Variants in INPP4B observed in about 807,000 individuals in gnomAD.
INPP4B encodes inositol polyphosphate 4-phosphatase type II.
Under a neutral mutation model 122.5 loss-of-function variants are expected in INPP4B, and 55 were observed. That is an observed-to-expected ratio of 0.45 (90% confidence interval 0.36 to 0.56). The LOEUF (loss-of-function observed/expected upper bound fraction) is 0.56, where lower values mean the gene tolerates loss of function less well. Ranked by LOEUF, INPP4B falls within the 20% of genes least tolerant of loss-of-function variation. The probability of loss-of-function intolerance (pLI) is 0.00; values close to 1 mark genes in which losing one functional copy is unlikely to be tolerated. For missense variants in INPP4B, 1,000 were observed against 1,097.7 expected, an observed-to-expected ratio of 0.91 and a Z score of 1.26; for synonymous variants, 403 against 388.7, an observed-to-expected ratio of 1.04 and a Z score of -0.43.
intron 3 of INPP4B, among the ~76,000 whole-genome samples, chr4:142,447,793 C>T (rs945421564): frequency 1.7e-4 from 26 of 152,042 alleles, no homozygotes; most frequent in Admixed American, 1.3e-3. Context: ...TCTTGTGGCA[C>T]GAGGAAAATG....
chr4:142,681,670 T>C (rs1758641246), intron 2 of INPP4B, among the ~76,000 whole-genome samples: 1 of 151,772 alleles, frequency 6.6e-6, no homozygotes, highest in African/African-American at 2.4e-5. Context: ...AGTGGATGCC[T>C]GCAAACGCCA....
chr4:142,208,485 C>G lies in INPP4B; in HGVS notation c.1012G>C (p.Glu338Gln), dbSNP rs1843476794. 1.2e-6 allele frequency: 2 copies of G among 1,601,696 alleles called. No individual in the cohort carries two copies. The highest frequency in any genetic ancestry group is 1.7e-6 in the Non-Finnish European group (2 of 1,173,838). Residue 338 changes from glutamate to glutamine, a missense_variant, in exon 14 of 26, where the codon GAA becomes CAA. By Grantham distance (29) the Glu-to-Gln change is conservative. Coordinates refer to ENST00000262992, the MANE Select transcript of INPP4B (RefSeq NM_001101669.3). ...SSSSKGEKTL[E>Q]FVPINLHLQR... is the part of the protein sequence containing the mutation. ...AGATGTAGATTTATTGGAACAAATT[C>G]TAATGTTTTCTCTCCTTTGCTGCTG... is the stretch of plus-strand genomic sequence containing the variant.
rs552642264 is a variant in INPP4B, at chr4:142,437,901, A to G, written c.-126-6516T>C. The stretch of plus-strand genomic sequence containing the variant: ...AGTAATAAATAGCCTAGCAACCAAA[A>G]AAAGCCCAGGATCAGACAGATTCAC... On this transcript the variant is annotated intron_variant, in intron 3 of 25. Coordinates refer to ENST00000262992, the MANE Select transcript of INPP4B (RefSeq NM_001101669.3). Among the ~76,000 whole-genome samples the G allele has an allele frequency of 3.9e-5, 6 of 152,306 alleles. No individual in the cohort carries two copies. The South Asian group carries it at 1.2e-3, about 32-fold the overall frequency.
intron 25 of INPP4B, among the ~76,000 whole-genome samples, chr4:142,038,529 G>A (rs566549366): frequency 6.6e-6 from 1 of 152,292 alleles, no homozygotes; most frequent in South Asian, 2.1e-4. Context: ...GGAGTTGTGA[G>A]TTCTACCCAC....
chr4:142,581,248 G>A (rs574359540), intron 2 of INPP4B, among the ~76,000 whole-genome samples: 1 of 151,956 alleles, frequency 6.6e-6, no homozygotes, highest in African/African-American at 2.4e-5. Context: ...TTCTCAAAAA[G>A]CTTTAGAGGC....
chr4:142,188,259 G>GA (rs1346188457), intron 15 of INPP4B, among the ~76,000 whole-genome samples: 2 of 151,518 alleles, frequency 1.3e-5, no homozygotes, highest in Admixed American at 6.6e-5. Context: ...AGGCTGAGGC[G>GA]GGTGGATTAC....
At chr4:142,043,963 A>C (rs1414990975) in intron 25 of INPP4B, among the ~76,000 whole-genome samples, 1 of 152,194 alleles carries the variant, frequency 6.6e-6, no homozygotes, top group African/African-American at 2.4e-5. Flanking sequence ...TACAATAGTA[A>C]AGGCAAGAAA....
At chr4:142,584,457 C>G (rs1000116358) in intron 2 of INPP4B, among the ~76,000 whole-genome samples, 1 of 152,124 alleles carries the variant, frequency 6.6e-6, no homozygotes, top group African/African-American at 2.4e-5. Context: ...ATCCTCTTGT[C>G]TCTGACTTTC....
At chr4:142,564,169 A>G (rs1256823805) in intron 2 of INPP4B, among the ~76,000 whole-genome samples, 1 of 152,170 alleles carries the variant, frequency 6.6e-6, no homozygotes, top group African/African-American at 2.4e-5. Context: ...CAAGCACGCT[A>G]ACAAAGCTTA....
intron 2 of INPP4B, among the ~76,000 whole-genome samples, chr4:142,569,998 C>T (rs1352797008): frequency 6.6e-6 from 1 of 151,948 alleles, no homozygotes; most frequent in African/African-American, 2.4e-5. Flanking sequence ...TAGCTAGGTG[C>T]AAGAATCAAC....
chr4:142,049,037 T>C (rs926427667), intron 25 of INPP4B, among the ~76,000 whole-genome samples: 6 of 152,008 alleles, frequency 3.9e-5, no homozygotes, highest in East Asian at 3.9e-4. Context: ...GCTATCACCA[T>C]GGGCAGTGAC....
intron 2 of INPP4B, among the ~76,000 whole-genome samples, chr4:142,700,945 T>C (rs1761674585): frequency 6.6e-6 from 1 of 152,194 alleles, no homozygotes; most frequent in South Asian, 2.1e-4. Flanking sequence ...TAAGATCATG[T>C]ATCAGTCAGG....
intron 16 of INPP4B, among the ~76,000 whole-genome samples, chr4:142,171,557 A>G (rs1825650009): frequency 6.6e-6 from 1 of 151,898 alleles, no homozygotes; most frequent in South Asian, 2.1e-4. Context: ...TTCATACCTG[A>G]ATTCATGGAT....
chr4:142,650,352 A>T (rs1752675078), intron 2 of INPP4B, among the ~76,000 whole-genome samples: 1 of 152,210 alleles, frequency 6.6e-6, no homozygotes. Flanking sequence ...ACAGGATCAA[A>T]TTCACACATA....
intron 1 of INPP4B, among the ~76,000 whole-genome samples, chr4:142,836,719 TACACACAC>T (rs138777384): frequency 6.8e-6 from 1 of 146,406 alleles, no homozygotes; most frequent in Non-Finnish European, 1.5e-5. Flanking sequence ...AAGTACTGTC[TACACACAC>T]ACACACACAC....
At chr4:142,748,872 G>C (rs561117432) in intron 1 of INPP4B, among the ~76,000 whole-genome samples, 81 of 152,062 alleles carry the variant, frequency 5.3e-4, no homozygotes, top group African/African-American at 1.8e-3. Context: ...ATGCACAGTG[G>C]TGCAGGCCTG....
At chr4:142,825,436 G>A (rs1030936146) in intron 1 of INPP4B, among the ~76,000 whole-genome samples, 6 of 151,952 alleles carry the variant, frequency 3.9e-5, no homozygotes, top group Admixed American at 3.3e-4. Context: ...AAACTTTCTA[G>A]TCAACATATA....
chr4:142,188,518 A>AAAAAAAAAAAAAAAAAAAAAAAAAT lies in INPP4B; in HGVS notation c.1181+4568_1181+4569insATTTTTTTTTTTTTTTTTTTTTTTT, dbSNP rs1834267141. Among the ~76,000 whole-genome samples, 2 of 105,096 alleles carry AAAAAAAAAAAAAAAAAAAAAAAAAT rather than the reference A, an allele frequency of 1.9e-5. 1 individual carries two copies. The highest frequency in any genetic ancestry group is 3.8e-5 in the Non-Finnish European group (2 of 53,206). 68.9% of individuals were successfully genotyped at this position (105,096 alleles called of 152,430 possible). A position where few individuals can be genotyped will look rare whatever the true frequency, so the allele number is the denominator to read the frequency against. Reference sequence around the variant, plus strand: ...AAAAAAAAAAAAAAAAAAGAAAAAAAATATATATAGCTTGACTTATGAGTT... The same window carrying AAAAAAAAAAAAAAAAAAAAAAAAAT: ...AAAAAAAAAAAAAAAAAAGAAAAAAAAAAAAAAAAAAAAAAAAAAAAAAATATATATATAGCTTGACTTATGAGTT... On this transcript the variant is annotated intron_variant, in intron 15 of 25. Coordinates refer to ENST00000262992, the MANE Select transcript of INPP4B (RefSeq NM_001101669.3).
At chr4:142,305,287 G>A (rs1187247642) in intron 9 of INPP4B, among the ~76,000 whole-genome samples, 171 bp downstream of exon 9, 1 of 152,070 alleles carries the variant, frequency 6.6e-6, no homozygotes, top group Non-Finnish European at 1.5e-5. Context: ...GAACTTCAAT[G>A]CAATTTTGAA....
Sources: allele counts gnomAD v4.1 joint callset (sites outside exome capture counted in the v4.1 genomes callset), GRCh38; gene constraint gnomAD v4.1.1; transcripts MANE v1.5; gene names NCBI Gene and HGNC (gene_info 2026-07-23, HGNC 2026-07-21).